Variants in PCDHA4 observed in about 807,000 individuals in gnomAD.
PCDHA4 encodes protocadherin alpha 4, also known as protocadherin alpha-4.
In PCDHA4, 49 loss-of-function variants were observed where a neutral mutation model predicts 61.4. The observed-to-expected ratio is 0.80, with a 90% CI of 0.63 to 1.01. PCDHA4 has a LOEUF of 1.01. Among genes scored for constraint, PCDHA4 ranks in the 50% least tolerant of loss-of-function variants. The pLI is 0.00. For missense variants in PCDHA4, 1,254 were observed against 1,235.8 expected (o/e 1.01, Z -0.22); for synonymous variants, 590 against 550.3 (o/e 1.07, Z -1.01).
chr5:140,869,323 C>G (rs1426806563), intron 1 of PCDHA4: 13 of 1,613,746 alleles, frequency 8.1e-6, no homozygotes, highest in Non-Finnish European at 1.0e-5. Flanking sequence ...ACATGGGGAC[C>G]TTCTGGAGGT....
At chr5:140,863,393 C>G (rs782189753) in intron 1 of PCDHA4, 2 of 924,736 alleles carry the variant, frequency 2.2e-6, no homozygotes, top group Non-Finnish European at 3.3e-6. Flanking sequence ...TCGTGCATGC[C>G]GGGCAAGCCC....
At position 140,904,654 on chromosome 5, in the gene PCDHA4, G is replaced by C. The variant is rs554492367; in HGVS notation, c.2386-74295G>C. On this transcript the variant is annotated intron_variant, in intron 1 of 3. Coordinates refer to ENST00000530339, the MANE Select transcript of PCDHA4 (RefSeq NM_018907.4). ...AGGAATCTCCACACTGTTTTCCATAGTGGTTGTACTAGTTTACATTCCCAC... is the reference window on the plus strand; with the variant it reads ...AGGAATCTCCACACTGTTTTCCATACTGGTTGTACTAGTTTACATTCCCAC... Among the ~76,000 whole-genome samples, 175 of 152,122 alleles carry C rather than the reference G, an allele frequency of 1.2e-3. 1 individual carries two copies. The highest frequency in any genetic ancestry group is 3.4e-3 in the Middle Eastern group (1 of 294).
intron 1 of PCDHA4, among the ~76,000 whole-genome samples, chr5:140,976,780 A>G (rs2096731008): frequency 6.6e-6 from 1 of 152,224 alleles, no homozygotes; most frequent in Non-Finnish European, 1.5e-5. Context: ...CTCTGACTAT[A>G]TAGCTACGCT....
intron 1 of PCDHA4, among the ~76,000 whole-genome samples, chr5:140,950,294 C>T (rs1396440202): frequency 6.6e-6 from 1 of 151,970 alleles, no homozygotes; most frequent in African/African-American, 2.4e-5. Context: ...ACCTGAAAAA[C>T]TTTACTTAGC....
intron 1 of PCDHA4, chr5:140,855,848 A>G: frequency 1.5e-6 from 1 of 662,286 alleles, no homozygotes; most frequent in South Asian, 2.3e-5. Context: ...ACCTAAAGCC[A>G]CCGGATGTCG....
At chr5:140,833,480 A>G (rs1378647255) in intron 1 of PCDHA4, among the ~76,000 whole-genome samples, 4 of 152,220 alleles carry the variant, frequency 2.6e-5, no homozygotes, top group East Asian at 1.9e-4. Context: ...AAGAAATAAT[A>G]CAAATCATAT....
chr5:140,917,042 G>A (rs73793522), intron 1 of PCDHA4, among the ~76,000 whole-genome samples: 8,683 of 152,228 alleles, frequency 0.057, 736 homozygotes, highest in African/African-American at 0.19. Flanking sequence ...GTCCAGCACA[G>A]TGTTGTTCCC....
intron 1 of PCDHA4, among the ~76,000 whole-genome samples, chr5:140,937,106 C>G (rs2091337574): frequency 6.7e-6 from 1 of 149,110 alleles, no homozygotes; most frequent in African/African-American, 2.5e-5. Context: ...GGCGCAGTCT[C>G]GGCTCACTGC....
intron 1 of PCDHA4, chr5:140,884,763 CT>C (rs1206964755): frequency 1.9e-5 from 27 of 1,421,678 alleles, no homozygotes; most frequent in Non-Finnish European, 2.4e-5. Context: ...TTATTCTTTA[CT>C]TTAATTTTAA....
chr5:140,807,899 A>C lies in PCDHA4; in HGVS notation c.712A>C (p.Asn238His), dbSNP rs1391356364. The change falls in exon 1 of 4, where the codon AAT becomes CAT. Residue 238 changes from asparagine to histidine, a missense_variant. Physicochemically the swap from Asn to His is moderately conservative, Grantham distance 68. Coordinates refer to ENST00000530339, the MANE Select transcript of PCDHA4 (RefSeq NM_018907.4). ...LLITVLDAND[N>H]APAFDRTIYK... ...CATCACAGTACTGGATGCCAATGAC[A>C]ATGCCCCAGCTTTTGACAGAACCAT... The C allele has an allele frequency of 1.9e-6, 3 of 1,614,010 alleles. No homozygotes were observed. The highest frequency in any genetic ancestry group is 2.5e-6 in the Non-Finnish European group (3 of 1,179,998).
intron 1 of PCDHA4, among the ~76,000 whole-genome samples, chr5:140,954,516 G>C (rs782233597): frequency 3.3e-5 from 5 of 152,172 alleles, no homozygotes; most frequent in Admixed American, 6.5e-5. Flanking sequence ...TTTACCTAAT[G>C]ATCAGTGATG....
intron 1 of PCDHA4, chr5:140,875,490 A>G: frequency 6.2e-7 from 1 of 1,612,864 alleles, no homozygotes; most frequent in Non-Finnish European, 8.5e-7. Context: ...TTATCGGACC[A>G]AGAGGCCCGG....
rs782243123 is a variant in PCDHA4, at chr5:140,809,431, G to C, written c.2244G>C (p.Trp748Cys). The C allele has an allele frequency of 1.2e-6, 2 of 1,614,226 alleles. No individual in the cohort carries two copies. The highest frequency in any genetic ancestry group is 1.7e-6 in the Non-Finnish European group (2 of 1,180,020). The change falls in exon 1 of 4, where the codon TGG (tryptophan) becomes TGC (cysteine). Residue 748 changes from tryptophan to cysteine, a missense_variant. Coordinates refer to ENST00000530339, the MANE Select transcript of PCDHA4 (RefSeq NM_018907.4). The stretch of plus-strand genomic sequence containing the variant: ...TGTGCTCCAGTGCGGTGGGGAGCTG[G>C]TCATACTCGCAGCAGAGGAGGCCGA... ...TLVCSSAVGS[W>C]SYSQQRRPRV...
At chr5:140,984,905 C>G (rs1214020745) in intron 3 of PCDHA4, among the ~76,000 whole-genome samples, 1 of 152,004 alleles carries the variant, frequency 6.6e-6, no homozygotes, top group African/African-American at 2.4e-5. Context: ...AAAAAAAGAA[C>G]TGAGCATAGT....
At chr5:140,927,808 T>C (rs782535814) in intron 1 of PCDHA4, 116 of 1,614,090 alleles carry the variant, frequency 7.2e-5, no homozygotes, top group Non-Finnish European at 9.6e-5. Context: ...TGAAACGCTC[T>C]TGGAGGCATA....
At chr5:140,939,428 G>A (rs1417323934) in intron 1 of PCDHA4, among the ~76,000 whole-genome samples, 2 of 152,128 alleles carry the variant, frequency 1.3e-5, no homozygotes, top group Admixed American at 6.5e-5. Flanking sequence ...TCTTCCATAA[G>A]CATTTGAAGA....
At chr5:140,945,722 A>G (rs2093833983) in intron 1 of PCDHA4, among the ~76,000 whole-genome samples, 1 of 152,110 alleles carries the variant, frequency 6.6e-6, no homozygotes, top group African/African-American at 2.4e-5. Context: ...TCAAGAATAT[A>G]CAATGGAAAA....
chr5:140,868,957 A>G (rs2050760003), intron 1 of PCDHA4: 2 of 1,389,232 alleles, frequency 1.4e-6, no homozygotes, highest in East Asian at 2.3e-5. Context: ...AGGCACTCCC[A>G]TACAAAGGAA....
intron 3 of PCDHA4, among the ~76,000 whole-genome samples, chr5:140,999,505 A>T (rs1221080631): frequency 1.3e-5 from 2 of 152,134 alleles, no homozygotes; most frequent in African/African-American, 4.8e-5. Context: ...AAGAACCTAC[A>T]TTTTAAGCAT....
Sources: allele counts gnomAD v4.1 joint callset (sites outside exome capture counted in the v4.1 genomes callset), GRCh38; gene constraint gnomAD v4.1.1; transcripts MANE v1.5; gene names NCBI Gene and HGNC (gene_info 2026-07-23, HGNC 2026-07-21).